Variants in RHCE observed in about 807,000 individuals in gnomAD.
RHCE encodes the protein Rh blood group CcEe antigens.
RHCE carries 22 observed loss-of-function variants against 43.8 expected under a neutral mutation model. The ratio of observed to expected loss-of-function variants is 0.50; its 90% confidence interval spans 0.36 to 0.72. The LOEUF is 0.72. Ranked by LOEUF, RHCE falls within the 30% of genes least tolerant of loss-of-function variation. The pLI, the probability that RHCE is intolerant of heterozygous loss-of-function variation, is 0.00. For synonymous variants in RHCE, 156 were observed against 210.7 expected (o/e 0.74, Z 2.25); for missense variants, 385 against 525.4 (o/e 0.73, Z 2.61).
chr1:25,417,433 A>T (rs1181264302), intron 1 of RHCE, among the ~76,000 whole-genome samples: 2 of 152,226 alleles, frequency 1.3e-5, no homozygotes, highest in Non-Finnish European at 2.9e-5. Context: ...AAATAATGGC[A>T]GTCAAGTGAA....
At chr1:25,370,724 T>C (rs1378546913) in intron 8 of RHCE, among the ~76,000 whole-genome samples, 184 bp from the exon 9 acceptor site, 2 of 123,510 alleles carry the variant, frequency 1.6e-5, no homozygotes, top group African/African-American at 7.8e-5. Flanking sequence ...CTGTAGACTA[T>C]TTTATTTTAT....
chr1:25,376,071 A>G (rs978318825), intron 7 of RHCE, among the ~76,000 whole-genome samples: 16 of 152,034 alleles, frequency 1.1e-4, no homozygotes, highest in Non-Finnish European at 2.4e-4. Context: ...GATTACAGAC[A>G]TGAGCCACCA....
chr1:25,378,690 C>G (rs1217951853), intron 7 of RHCE, among the ~76,000 whole-genome samples: 1 of 152,162 alleles, frequency 6.6e-6, no homozygotes, highest in African/African-American at 2.4e-5. Flanking sequence ...GTTACTCTCC[C>G]ACCACTCTTT....
At chr1:25,427,101 G>GT (rs1322576414) in intron 2 of RHCE, among the ~76,000 whole-genome samples, 1 of 152,084 alleles carries the variant, frequency 6.6e-6, no homozygotes, top group Non-Finnish European at 1.5e-5. Flanking sequence ...AGGTACATGT[G>GT]TTAAGAGGTG....
At chr1:25,379,900 A>G (rs1299736678) in intron 7 of RHCE, among the ~76,000 whole-genome samples, 4 of 151,782 alleles carry the variant, frequency 2.6e-5, no homozygotes, top group East Asian at 3.9e-4. Flanking sequence ...CTGGTCTTGA[A>G]CTCCTGGGCT....
intron 7 of RHCE, among the ~76,000 whole-genome samples, chr1:25,383,488 C>A (rs1418518477): frequency 6.6e-6 from 1 of 152,172 alleles, no homozygotes; most frequent in African/African-American, 2.4e-5. Context: ...ATTGCTAAAT[C>A]TGCACAGCAA....
At chr1:25,428,075 C>T (rs1484840315) in intron 2 of RHCE, among the ~76,000 whole-genome samples, 1 of 152,208 alleles carries the variant, frequency 6.6e-6, no homozygotes, top group Non-Finnish European at 1.5e-5. Context: ...TTGCTCCCAG[C>T]CACTCCGCAC....
In RHCE at chr1:25,418,033, A is replaced by G. The variant is rs147283361; in HGVS notation, c.148+2606T>C. Among the ~76,000 whole-genome samples, 238 of 152,056 alleles carry G rather than the reference A, an allele frequency of 1.6e-3. 2 individuals are homozygous for G. The highest frequency in any genetic ancestry group is 5.2e-3 in the African/African-American group (216 of 41,484). The stretch of plus-strand genomic sequence containing the variant: ...GCTTCCCTGTTTATTTTTATTTATT[A>G]CTATTATTTTTTTCAGACAGAGTCC... On this transcript the variant is annotated intron_variant, in intron 1 of 9. Coordinates refer to ENST00000294413, the MANE Select transcript of RHCE (RefSeq NM_020485.8).
intron 1 of RHCE, among the ~76,000 whole-genome samples, chr1:25,411,007 G>A (rs1253932279): frequency 1.3e-5 from 2 of 152,028 alleles, no homozygotes; most frequent in East Asian, 1.9e-4. Flanking sequence ...CAGGAGAATC[G>A]CTTGAACCCA....
At chr1:25,417,727 A>G (rs1380763356) in intron 1 of RHCE, among the ~76,000 whole-genome samples, 1 of 152,226 alleles carries the variant, frequency 6.6e-6, no homozygotes. Flanking sequence ...CATACAAAAT[A>G]TATTAATGTA....
chr1:25,421,596 C>T (rs2042760804), upstream of RHCE, among the ~76,000 whole-genome samples: 1 of 152,178 alleles, frequency 6.6e-6, no homozygotes, highest in African/African-American at 2.4e-5. Context: ...CCTCAGCATC[C>T]CCATCCCTCA....
chr1:25,387,950 A>C (rs940162604), intron 6 of RHCE, among the ~76,000 whole-genome samples: 21 of 151,946 alleles, frequency 1.4e-4, no homozygotes, highest in Non-Finnish European at 2.6e-4. Context: ...CCTCCTGAGT[A>C]GCTAAGATGA....
chr1:25,381,046 C>T (rs1294885341), intron 7 of RHCE, among the ~76,000 whole-genome samples: 5 of 151,766 alleles, frequency 3.3e-5, no homozygotes, highest in South Asian at 2.1e-4. Flanking sequence ...GGACTACAGG[C>T]GCCCACCACC....
chr1:25,370,174 G>A (rs911022319), intron 9 of RHCE, among the ~76,000 whole-genome samples: 1 of 151,608 alleles, frequency 6.6e-6, no homozygotes, highest in Non-Finnish European at 1.5e-5. Flanking sequence ...ATTTGGCTAC[G>A]CTGAGGACTG....
intron 1 of RHCE, among the ~76,000 whole-genome samples, chr1:25,411,730 C>T: frequency 6.6e-6 from 1 of 152,116 alleles, no homozygotes; most frequent in Non-Finnish European, 1.5e-5. Context: ...ACAGGGGTTC[C>T]TCTTGGGATT....
chr1:25,399,295 A>G, intron 3 of RHCE: 1 of 832,756 alleles, frequency 1.2e-6, no homozygotes, highest in Non-Finnish European at 2.1e-6. Flanking sequence ...AATAACAGAT[A>G]AGTCCATTGG....
intron 7 of RHCE, among the ~76,000 whole-genome samples, chr1:25,379,470 TATATATATATATATATATA>T (rs1645897698): frequency 4.6e-4 from 3 of 6,474 alleles, no homozygotes; most frequent in African/African-American, 2.3e-3. Flanking sequence ...TATATATATA[TATATATATATATATATATA>T]TATATATTTT....
chr1:25,385,937 A>G (rs1646143475), intron 6 of RHCE, 93 bp from the exon 7 acceptor site: 3 of 1,588,968 alleles, frequency 1.9e-6, no homozygotes, highest in Non-Finnish European at 2.6e-6. Context: ...GGCGCCACCA[A>G]ATGGGGATGG....
At chr1:25,394,821 A>G (rs1295496480) in intron 3 of RHCE, among the ~76,000 whole-genome samples, 7 of 152,194 alleles carry the variant, frequency 4.6e-5, no homozygotes, top group South Asian at 2.1e-4. Flanking sequence ...AGGACTTCAG[A>G]AAGAACACTT....
Sources: gnomAD v4.1 joint callset for allele counts (sites outside exome capture counted in the v4.1 genomes callset) on GRCh38, gnomAD v4.1.1 for gene constraint, MANE v1.5 for transcripts, NCBI Gene and HGNC (gene_info 2026-07-23, HGNC 2026-07-21) for gene names.